HMGA2: variants seen among roughly 807,000 people sequenced by gnomAD.
HMGA2 encodes high mobility group AT-hook 2.
HMGA2 carries 8 observed loss-of-function variants against 19.1 expected under a neutral mutation model. The observed-to-expected ratio is 0.42, with a 90% CI of 0.25 to 0.76. The LOEUF (loss-of-function observed/expected upper bound fraction) is 0.76, where lower values mean the gene tolerates loss of function less well. Among genes scored for constraint, HMGA2 ranks in the 30% least tolerant of loss-of-function variants. The probability of loss-of-function intolerance (pLI) is 0.28; values close to 1 mark genes in which losing one functional copy is unlikely to be tolerated. For synonymous variants in HMGA2, 60 were observed against 48.8 expected, an observed-to-expected ratio of 1.23 and a Z score of -0.96; for missense variants, 109 against 136.3, an observed-to-expected ratio of 0.80 and a Z score of 1.00.
At chr12:65,831,334 T>C (rs1870467290) in intron 2 of HMGA2, among the ~76,000 whole-genome samples, 1 of 151,840 alleles carries the variant, frequency 6.6e-6, no homozygotes. Context: ...TGTCACTAAT[T>C]CTTCAGTGTT....
chr12:65,889,827 T>C (rs1449291905), intron 3 of HMGA2, among the ~76,000 whole-genome samples: 1 of 152,190 alleles, frequency 6.6e-6, no homozygotes, highest in Non-Finnish European at 1.5e-5. Context: ...CAATAGCTGA[T>C]GAATGAAAGA....
At chr12:65,862,539 G>A (rs529237286) in intron 3 of HMGA2, among the ~76,000 whole-genome samples, 3 of 152,222 alleles carry the variant, frequency 2.0e-5, no homozygotes, top group South Asian at 2.1e-4. Flanking sequence ...ATCTACTTGG[G>A]TGTACAAAAT....
At chr12:65,839,995 G>C (rs187108031) in intron 3 of HMGA2, among the ~76,000 whole-genome samples, 142 of 152,234 alleles carry the variant, frequency 9.3e-4, no homozygotes, top group Middle Eastern at 3.4e-3. Flanking sequence ...CATACTGTTT[G>C]TATGTATCTG....
intron 3 of HMGA2, among the ~76,000 whole-genome samples, chr12:65,916,489 T>A (rs545344852): frequency 6.6e-6 from 1 of 152,190 alleles, no homozygotes; most frequent in Non-Finnish European, 1.5e-5. Context: ...TCTGGGAACA[T>A]AATATAAAAA....
At chr12:65,849,736 ATTTTT>A (rs34541445) in intron 3 of HMGA2, among the ~76,000 whole-genome samples, 7 of 85,124 alleles carry the variant, frequency 8.2e-5, no homozygotes, top group African/African-American at 3.8e-4. Flanking sequence ...TAGGCTCTGT[ATTTTT>A]TTTTTTTTTT....
intron 4 of HMGA2, among the ~76,000 whole-genome samples, chr12:65,961,664 G>C (rs946482607): frequency 6.6e-6 from 1 of 152,136 alleles, no homozygotes; most frequent in African/African-American, 2.4e-5. Context: ...AGTCTTCGGG[G>C]GGAAAGAGAA....
intron 3 of HMGA2, chr12:65,914,952 G>A (rs1345957486): frequency 2.0e-6 from 3 of 1,485,708 alleles, no homozygotes; most frequent in Non-Finnish European, 2.8e-6. Context: ...TGGGAATACA[G>A]GCGTGAGCCA....
intron 3 of HMGA2, among the ~76,000 whole-genome samples, chr12:65,908,142 A>T (rs535944679): frequency 7.9e-5 from 12 of 152,298 alleles, no homozygotes; most frequent in African/African-American, 2.6e-4. Flanking sequence ...TTTGTTGAAG[A>T]TTAATTTATT....
chr12:65,886,920 T>C (rs1873682349), intron 3 of HMGA2, among the ~76,000 whole-genome samples: 1 of 152,224 alleles, frequency 6.6e-6, no homozygotes. Context: ...GTTTTATTCA[T>C]TGCCTTCCTC....
intron 3 of HMGA2, among the ~76,000 whole-genome samples, chr12:65,902,533 T>C (rs1206372571): frequency 1.3e-5 from 2 of 152,160 alleles, no homozygotes; most frequent in African/African-American, 4.8e-5. Flanking sequence ...CCAAAAATTA[T>C]ATTCCTTTAA....
At position 65,838,575 on chromosome 12, in the gene HMGA2, T is replaced by A. The variant is rs73115423; in HGVS notation, c.249+6T>A. 0.022 allele frequency: 34,554 copies of A among 1,592,198 alleles called. 571 individuals carry two copies. Among genetic ancestry groups the A allele is most frequent in the South Asian group, 0.049 (4,334 of 89,218 alleles). On this transcript the variant is annotated splice_donor_region_variant and intron_variant, in intron 3 of 4. Coordinates refer to ENST00000403681, the MANE Select transcript of HMGA2 (RefSeq NM_003483.6). ...GAGGCAGACCTAGGAAATGGGTGAG[T>A]AATAAGATATAATTTTTCTTCTTTT...
chr12:65,938,853 T>C (rs1041010630), intron 3 of HMGA2, among the ~76,000 whole-genome samples: 1 of 152,012 alleles, frequency 6.6e-6, no homozygotes, highest in Non-Finnish European at 1.5e-5. Context: ...TTTTTAGAGA[T>C]AGAGTTTGCC....
At chr12:65,883,294 C>G (rs1873516257) in intron 3 of HMGA2, among the ~76,000 whole-genome samples, 1 of 152,332 alleles carries the variant, frequency 6.6e-6, no homozygotes, top group Non-Finnish European at 1.5e-5. Flanking sequence ...TTTATAGCAA[C>G]AGATACTCCA....
At chr12:65,879,928 T>TA (rs1333222249) in intron 3 of HMGA2, among the ~76,000 whole-genome samples, 1 of 152,190 alleles carries the variant, frequency 6.6e-6, no homozygotes, top group Admixed American at 6.5e-5. Context: ...ATAGAAATCA[T>TA]AAAAGCCATC....
At chr12:65,826,388 G>C (rs985370954) in intron 1 of HMGA2, 1 of 152,426 alleles carries the variant, frequency 6.6e-6, no homozygotes, top group African/African-American at 2.4e-5. Context: ...GCCGCGGCGG[G>C]CAGAGTTGGA....
intron 3 of HMGA2, among the ~76,000 whole-genome samples, chr12:65,871,429 T>A (rs1042588669): frequency 6.6e-6 from 1 of 152,194 alleles, no homozygotes; most frequent in Non-Finnish European, 1.5e-5. Context: ...TCTGGCCCTC[T>A]TAATCCATTT....
chr12:65,832,607 A>G (rs1565700964), intron 2 of HMGA2, among the ~76,000 whole-genome samples: 1 of 152,114 alleles, frequency 6.6e-6, no homozygotes, highest in Non-Finnish European at 1.5e-5. Flanking sequence ...TACAGAGCAG[A>G]AGGCACAAAG....
At chr12:65,951,623 A>C in intron 4 of HMGA2, 1 of 473,792 alleles carries the variant, frequency 2.1e-6, no homozygotes, top group Non-Finnish European at 3.8e-6. Flanking sequence ...GTAAGGTCTT[A>C]AGTGTACAAA....
intron 3 of HMGA2, among the ~76,000 whole-genome samples, chr12:65,889,208 A>G (rs1873800698): frequency 6.6e-6 from 1 of 152,176 alleles, no homozygotes; most frequent in Non-Finnish European, 1.5e-5. Context: ...GCTTTTGGTA[A>G]GACTCATTTT....
Sources: allele counts gnomAD v4.1 joint callset (sites outside exome capture counted in the v4.1 genomes callset), GRCh38; gene constraint gnomAD v4.1.1; transcripts MANE v1.5; gene names NCBI Gene and HGNC (gene_info 2026-07-23, HGNC 2026-07-21).